PACRG: variants seen among roughly 807,000 people sequenced by gnomAD.
PACRG encodes the protein parkin coregulated gene protein.
PACRG carries 29 observed loss-of-function variants against 29.7 expected under a neutral mutation model. That is an observed-to-expected ratio of 0.98 (90% confidence interval 0.73 to 1.33). PACRG has a LOEUF of 1.33. Ranked by LOEUF, PACRG falls within the 40% of genes most tolerant of loss-of-function variation. The pLI, the probability that PACRG is intolerant of heterozygous loss-of-function variation, is 0.00. For synonymous variants in PACRG, 116 were observed against 118.7 expected (o/e 0.98, Z 0.15); for missense variants, 279 against 316.2 (o/e 0.88, Z 0.89).
At chr6:162,740,605 CT>C (rs58613523) in intron 1 of PACRG, among the ~76,000 whole-genome samples, 88,638 of 134,466 alleles carry the variant, frequency 0.66, 29,315 homozygotes, top group African/African-American at 0.82. Context: ...GCATGAGCCA[CT>C]TTTTTTTTTT....
intron 3 of PACRG, among the ~76,000 whole-genome samples, chr6:163,065,774 T>C (rs1293620529): frequency 6.6e-6 from 1 of 152,182 alleles, no homozygotes; most frequent in Non-Finnish European, 1.5e-5. Flanking sequence ...GAAGTCCATT[T>C]TGAACAGGAC....
chr6:163,036,605 AT>A (rs1350752609), intron 2 of PACRG, among the ~76,000 whole-genome samples: 1 of 152,178 alleles, frequency 6.6e-6, no homozygotes, highest in Non-Finnish European at 1.5e-5. Flanking sequence ...CCTAAATGGG[AT>A]GCTGGTTCTC....
intron 2 of PACRG, among the ~76,000 whole-genome samples, chr6:162,968,647 G>A (rs1190363333): frequency 6.6e-6 from 1 of 152,058 alleles, no homozygotes; most frequent in Non-Finnish European, 1.5e-5. Context: ...CCATGTAGGT[G>A]GAAAAAAATT....
intron 4 of PACRG, among the ~76,000 whole-genome samples, chr6:163,284,348 G>A (rs1265848571): frequency 6.6e-6 from 1 of 152,162 alleles, no homozygotes; most frequent in East Asian, 1.9e-4. Context: ...TCCTTTAGAG[G>A]GGAGTCATCT....
At chr6:162,886,603 C>A (rs1220186596) in intron 2 of PACRG, among the ~76,000 whole-genome samples, 2 of 152,148 alleles carry the variant, frequency 1.3e-5, no homozygotes, top group Non-Finnish European at 2.9e-5. Flanking sequence ...CCATTTGGCT[C>A]ATTGGAGTGA....
In PACRG at chr6:163,249,446, C is replaced by CATA. The variant is rs1482193574; in HGVS notation, c.614-65380_614-65378dup. Among the ~76,000 whole-genome samples the CATA allele has an allele frequency of 3.3e-5, 5 of 152,306 alleles. No homozygotes were observed. In the East Asian group the frequency reaches 9.6e-4, roughly 29 times the overall value. ...GGCCAAAATAGCCGGCTGGCAAGTG[C>CATA]ATATCACCAGTACAAACCTTAAGTT... On this transcript the variant is annotated intron_variant, in intron 4 of 4. Transcript: ENST00000366888.
At chr6:163,051,530 T>C (rs983003029) in intron 2 of PACRG, 1 of 150,174 alleles carries the variant, frequency 6.7e-6, no homozygotes, top group African/African-American at 2.5e-5. Context: ...CAGAGGAGGT[T>C]TGTCCCACCG....
At chr6:163,224,288 G>A (rs1420104945) in intron 4 of PACRG, among the ~76,000 whole-genome samples, 1 of 139,080 alleles carries the variant, frequency 7.2e-6, no homozygotes, top group Non-Finnish European at 1.5e-5. Flanking sequence ...AGAATAACTT[G>A]AACCTGGGAT....
intron 2 of PACRG, chr6:162,957,357 G>T: frequency 1.6e-6 from 1 of 616,966 alleles, no homozygotes; most frequent in Non-Finnish European, 2.8e-6. Context: ...CACAGGCCCT[G>T]CTGACATGTT....
At chr6:163,184,401 CT>C (rs775487881) in intron 4 of PACRG, among the ~76,000 whole-genome samples, 1 of 152,182 alleles carries the variant, frequency 6.6e-6, no homozygotes, top group Non-Finnish European at 1.5e-5. Context: ...AACACTGCCC[CT>C]GATAACATTT....
intron 2 of PACRG, among the ~76,000 whole-genome samples, chr6:163,022,152 G>A (rs1180156897): frequency 6.6e-6 from 1 of 152,154 alleles, no homozygotes; most frequent in Non-Finnish European, 1.5e-5. Context: ...AGGTGGGGCT[G>A]AAACCCACTG....
chr6:163,049,260 T>G (rs551550144), intron 2 of PACRG, among the ~76,000 whole-genome samples: 17 of 152,052 alleles, frequency 1.1e-4, no homozygotes, highest in Admixed American at 1.1e-3. Flanking sequence ...AACTAGTCAA[T>G]AAATACAATA....
At chr6:162,949,571 C>G (rs560517652) in intron 2 of PACRG, among the ~76,000 whole-genome samples, 1 of 152,224 alleles carries the variant, frequency 6.6e-6, no homozygotes, top group African/African-American at 2.4e-5. Flanking sequence ...AATACCCTAG[C>G]TTGATCACAA....
intron 4 of PACRG, chr6:163,312,944 G>A (rs1785491098): frequency 3.8e-6 from 1 of 260,904 alleles, no homozygotes; most frequent in African/African-American, 2.4e-5. Context: ...TTATAGAGAT[G>A]GGGTCTTGCT....
chr6:163,046,550 C>G (rs1402549876), intron 2 of PACRG: 1 of 152,000 alleles, frequency 6.6e-6, no homozygotes, highest in African/African-American at 2.4e-5. Context: ...CCACCAGTCA[C>G]AGCATTTGAA....
intron 4 of PACRG, among the ~76,000 whole-genome samples, chr6:163,230,372 T>A (rs1165155150): frequency 6.6e-6 from 1 of 152,202 alleles, no homozygotes; most frequent in Admixed American, 6.5e-5. Context: ...ATGCATAGAA[T>A]TTTTTAGTGT....
chr6:163,113,542 A>G (rs1815823156), intron 4 of PACRG, among the ~76,000 whole-genome samples: 1 of 152,224 alleles, frequency 6.6e-6, no homozygotes, highest in Admixed American at 6.5e-5. Context: ...AAGATTAACA[A>G]CTGACTTCTC....
chr6:162,997,561 A>G lies in PACRG; in HGVS notation c.292-64589A>G, dbSNP rs1317594850. ...AATGTCAAGGTGGGCCCAAGGATTC[A>G]TAACAGACTTCATAAAAGAGGTGAC... On this transcript the variant is annotated intron_variant, in intron 2 of 4. Coordinates refer to ENST00000366888, the MANE Select transcript of PACRG (RefSeq NM_001080379.2). 47 of 363,620 alleles carry G rather than the reference A, an allele frequency of 1.3e-4. 1 individual carries two copies. Among genetic ancestry groups the G allele is most frequent in the South Asian group, 9.1e-4 (44 of 48,186 alleles). The allele number at this position is 363,620 out of a possible 1,614,324, so 22.5% of individuals were successfully genotyped here. A position where few individuals can be genotyped will look rare whatever the true frequency, so the allele number is the denominator to read the frequency against.
At chr6:163,084,622 ACTT>A (rs1377366099) in intron 3 of PACRG, among the ~76,000 whole-genome samples, 2 of 152,058 alleles carry the variant, frequency 1.3e-5, no homozygotes, top group Non-Finnish European at 2.9e-5. Flanking sequence ...CAGGCATTTT[ACTT>A]CTTGGTCACT....
Sources: gnomAD v4.1 joint callset for allele counts (sites outside exome capture counted in the v4.1 genomes callset) on GRCh38, gnomAD v4.1.1 for gene constraint, MANE v1.5 for transcripts, NCBI Gene and HGNC (gene_info 2026-07-23, HGNC 2026-07-21) for gene names.